Variants in LRP2 observed in about 807,000 individuals in gnomAD.
LRP2 encodes LDL receptor related protein 2.
A neutral mutation model predicts 531.0 loss-of-function variants in LRP2; 172 were observed. That is an observed-to-expected ratio of 0.32 (90% CI 0.29 to 0.37). The LOEUF (loss-of-function observed/expected upper bound fraction) is 0.37. LRP2 is among the 10% of genes least tolerant of loss of function. The pLI, the probability that LRP2 is intolerant of heterozygous loss-of-function variation, is 1.00. For synonymous variants in LRP2, 1,992 were observed against 2,027.6 expected (o/e 0.98, Z 0.47); for missense variants, 5,167 against 5,868.3 (o/e 0.88, Z 3.90).
chr2:169,146,993 A>G lies in LRP2; in HGVS notation c.12591-34T>C, dbSNP rs777215266. On this transcript the variant is annotated intron_variant, in intron 68 of 78. Coordinates refer to ENST00000649046, the MANE Select transcript of LRP2 (RefSeq NM_004525.3). The stretch of plus-strand genomic sequence containing the variant: ...GAAGATTTCTTCACTGTAGCATCTC[A>G]CCTGGTAAGACTTCTCCACTACAGC... 10 of 1,454,302 alleles carry G rather than the reference A, an allele frequency of 6.9e-6. No individual in the cohort carries two copies. The Admixed American group carries it at 1.9e-4, about 27-fold the overall frequency. 90.1% of individuals were successfully genotyped at this position (1,454,302 alleles called of 1,614,324 possible). A position where few individuals can be genotyped will look rare whatever the true frequency, so the allele number is the denominator to read the frequency against.
chr2:169,293,000 G>A (rs1374273628), intron 6 of LRP2, among the ~76,000 whole-genome samples: 2 of 152,058 alleles, frequency 1.3e-5, no homozygotes, highest in Admixed American at 6.6e-5. Context: ...ATTCTGAGTC[G>A]ACCATTCCAT....
chr2:169,220,310 T>C (rs940672927), intron 34 of LRP2, 144 bp downstream of exon 34: 1 of 703,230 alleles, frequency 1.4e-6, no homozygotes, highest in African/African-American at 1.8e-5. Context: ...GCTATTTCTC[T>C]TTCTCACTGA....
intron 38 of LRP2, among the ~76,000 whole-genome samples, chr2:169,208,005 A>T (rs1308074480): frequency 4.6e-5 from 7 of 152,200 alleles, no homozygotes; most frequent in South Asian, 2.1e-4. Flanking sequence ...AATGTGAAAT[A>T]TGTTACTGAT....
Position 169,173,170 on chromosome 2 carries a change from T to C in LRP2, c.11069A>G (p.Tyr3690Cys). The C allele has an allele frequency of 6.2e-7, 1 of 1,614,138 alleles. No homozygotes were observed. The highest frequency in any genetic ancestry group is 8.5e-7 in the Non-Finnish European group (1 of 1,180,004). The change falls in exon 57 of 79, where the codon TAC (tyrosine) becomes TGC (cysteine). Residue 3690 changes from tyrosine to cysteine, a missense_variant. By Grantham distance (194) the Tyr-to-Cys change is radical. Coordinates refer to ENST00000649046, the MANE Select transcript of LRP2 (RefSeq NM_004525.3). ...CACGGCCCACTTTGGGATGCAGCGG[T>C]AATTTGTTTTGCAGCTGAATTCTGT... ...NFTEFSCKTN[Y>C]RCIPKWAVCN...
intron 3 of LRP2, among the ~76,000 whole-genome samples, chr2:169,318,077 T>C (rs1168678597): frequency 1.3e-5 from 2 of 151,996 alleles, no homozygotes; most frequent in Non-Finnish European, 2.9e-5. Flanking sequence ...ACCCTGACTC[T>C]AAAAATAATA....
intron 46 of LRP2, among the ~76,000 whole-genome samples, chr2:169,196,001 C>T (rs1457292572): frequency 6.6e-6 from 1 of 152,116 alleles, no homozygotes; most frequent in Non-Finnish European, 1.5e-5. Context: ...TAAAAGCAAC[C>T]TAATGCTTAA....
At chr2:169,160,710 A>T (rs2105368491) in intron 63 of LRP2, among the ~76,000 whole-genome samples, 1 of 150,162 alleles carries the variant, frequency 6.7e-6, no homozygotes, top group East Asian at 1.9e-4. Context: ...CTACTAATTA[A>T]ATGCCATTTG....
At chr2:169,353,438 C>G (rs952515182) in intron 1 of LRP2, among the ~76,000 whole-genome samples, 2 of 152,064 alleles carry the variant, frequency 1.3e-5, no homozygotes, top group Non-Finnish European at 2.9e-5. Context: ...CGCCTGAACC[C>G]CACTCTGCCT....
intron 12 of LRP2, among the ~76,000 whole-genome samples, 189 bp downstream of exon 12, chr2:169,279,183 A>G (rs1393540812): frequency 6.6e-6 from 1 of 152,204 alleles, no homozygotes; most frequent in Non-Finnish European, 1.5e-5. Flanking sequence ...ATGTCCTCAA[A>G]TAGGATTATA....
chr2:169,332,807 G>T (rs575343908), intron 1 of LRP2, among the ~76,000 whole-genome samples: 1 of 152,168 alleles, frequency 6.6e-6, no homozygotes, highest in East Asian at 1.9e-4. Context: ...ACATCAATAA[G>T]CAACTCTGAT....
chr2:169,336,127 C>G (rs1222972742), intron 1 of LRP2, among the ~76,000 whole-genome samples: 1 of 151,658 alleles, frequency 6.6e-6, no homozygotes, highest in Non-Finnish European at 1.5e-5. Flanking sequence ...ACTAAAATAA[C>G]ATACAATAAT....
At chr2:169,331,223 C>T (rs980606505) in intron 1 of LRP2, among the ~76,000 whole-genome samples, 7 of 152,162 alleles carry the variant, frequency 4.6e-5, no homozygotes, top group African/African-American at 9.7e-5. Context: ...AAACTTTTCC[C>T]GTCCGTATTC....
chr2:169,175,652 A>C (rs996685230), intron 54 of LRP2, among the ~76,000 whole-genome samples: 38 of 152,126 alleles, frequency 2.5e-4, no homozygotes, highest in Non-Finnish European at 4.3e-4. Flanking sequence ...ACAAAAAAAA[A>C]ACAATAAACA....
In LRP2 at chr2:169,201,693, C is replaced by A. The variant is rs552943504; in HGVS notation, c.8387G>T (p.Arg2796Leu). 1 of 1,614,168 alleles carries A rather than the reference C, an allele frequency of 6.2e-7. No individual in the cohort carries two copies. The highest frequency in any genetic ancestry group is 8.5e-7 in the Non-Finnish European group (1 of 1,180,032). The change falls in exon 44 of 79, where the codon CGT (arginine) becomes CTT (leucine). Residue 2796 changes from arginine (R) to leucine (L), a missense_variant. Arg to Leu is a moderately radical substitution (Grantham distance 102). Transcript: ENST00000649046. The stretch of plus-strand genomic sequence containing the variant: ...GTCTACACCATTGCAGATAAACTCA[C>A]GAGGTATGCACCTTCTGTTATTGCA... ...FMCNNRRCIP[R>L]EFICNGVDNC...
intron 56 of LRP2, 115 bp from the exon 57 acceptor site, chr2:169,173,339 C>T (rs62172587): frequency 0.021 from 27,250 of 1,267,520 alleles, 351 homozygotes; most frequent in Non-Finnish European, 0.025. Context: ...CCAAGCAAAC[C>T]GCCTCTGGCG....
chr2:169,326,246 C>T (rs1469049977), intron 1 of LRP2, among the ~76,000 whole-genome samples: 3 of 141,056 alleles, frequency 2.1e-5, no homozygotes, highest in Non-Finnish European at 3.1e-5. Flanking sequence ...TCTCTTTCCA[C>T]GGTCTCCCTC....
At chr2:169,170,496 C>A in intron 59 of LRP2, 55 bp downstream of exon 59, 1 of 1,344,884 alleles carries the variant, frequency 7.4e-7, no homozygotes, top group Non-Finnish European at 1.1e-6. Context: ...TAATTTGAAG[C>A]CCCTACACTG....
intron 19 of LRP2, among the ~76,000 whole-genome samples, chr2:169,255,589 G>A (rs1054379701): frequency 6.6e-6 from 1 of 152,128 alleles, no homozygotes; most frequent in East Asian, 1.9e-4. Flanking sequence ...AAACAAAGAC[G>A]ATGTCAGTTC....
chr2:169,360,128 C>CAAAAAAAAAA (rs67818940), intron 1 of LRP2, among the ~76,000 whole-genome samples: 9 of 105,028 alleles, frequency 8.6e-5, no homozygotes, highest in Admixed American at 1.9e-4. Flanking sequence ...CTGTCTCTCT[C>CAAAAAAAAAA]AAAAAAAAAA....
Sources: gnomAD v4.1 joint callset for allele counts (sites outside exome capture counted in the v4.1 genomes callset) on GRCh38, gnomAD v4.1.1 for gene constraint, MANE v1.5 for transcripts, NCBI Gene and HGNC (gene_info 2026-07-23, HGNC 2026-07-21) for gene names.